The following SAMSN1 variants were observed in gnomAD, a reference collection of about 807,000 sequenced individuals.
The protein encoded by SAMSN1 is SAM domain-containing protein SAMSN-1.
A neutral mutation model predicts 42.0 loss-of-function variants in SAMSN1; 31 were observed. The ratio of observed to expected loss-of-function variants is 0.74; its 90% CI spans 0.55 to 1.00. The LOEUF is 1.00. Ranked by LOEUF, SAMSN1 falls within the 50% of genes least tolerant of loss-of-function variation. The pLI is 0.00. For synonymous variants in SAMSN1, 178 were observed against 151.9 expected, an observed-to-expected ratio of 1.17 and a Z score of -1.26; for missense variants, 464 against 439.4, an observed-to-expected ratio of 1.06 and a Z score of -0.50.
Position 14,512,443 on chromosome 21 carries a change from C to T in SAMSN1, c.409+1G>A, listed in dbSNP as rs1357059260. 1 of 1,613,514 alleles carries T rather than the reference C, an allele frequency of 6.2e-7. No individual in the cohort carries two copies. Among genetic ancestry groups the T allele is most frequent in the African/African-American group, 1.3e-5 (1 of 74,916 alleles). The stretch of plus-strand genomic sequence containing the variant: ...TCTTGTCCCTGATTCATTAGCCTTA[C>T]TTGATGAGCTCTGTCCACTGTAGAG... On this transcript the variant is annotated splice_donor_variant, in intron 4 of 7. Transcript: ENST00000400566. LOFTEE classifies it high-confidence loss of function.
chr21:14,572,510 A>T (rs1185439766), intron 2 of SAMSN1, among the ~76,000 whole-genome samples: 2 of 152,150 alleles, frequency 1.3e-5, no homozygotes, highest in Non-Finnish European at 2.9e-5. Flanking sequence ...CAGGACTAAG[A>T]GTTAGGAGGA....
At chr21:14,628,330 C>G (rs1186589837) in intron 2 of SAMSN1, among the ~76,000 whole-genome samples, 2 of 152,058 alleles carry the variant, frequency 1.3e-5, no homozygotes, top group Non-Finnish European at 2.9e-5. Context: ...GGACGTGCTA[C>G]TTACTCTGAT....
rs554490088 is a variant in SAMSN1, at chr21:14,615,960, A to G, written c.197+16T>C. The G allele has an allele frequency of 3.7e-4, 216 of 579,544 alleles. 3 individuals are homozygous for G. The South Asian group carries it at 4.9e-3, about 13-fold the overall frequency. 35.9% of individuals were successfully genotyped at this position (579,544 alleles called of 1,614,324 possible). ...AACTAAGGGAACATGAAGTTTACCA[A>G]GTAAATTTGACTTACTTTCTCTTTT... is the stretch of plus-strand genomic sequence containing the variant. On this transcript the variant is annotated intron_variant, in intron 3 of 15. Transcript: ENST00000647101.
At chr21:14,634,036 T>C (rs1983400041) in intron 2 of SAMSN1, among the ~76,000 whole-genome samples, 1 of 152,096 alleles carries the variant, frequency 6.6e-6, no homozygotes, top group Non-Finnish European at 1.5e-5. Context: ...TAAACTTGAT[T>C]TTTAAAATAT....
At chr21:14,518,695 C>A (rs537828377) in intron 2 of SAMSN1, among the ~76,000 whole-genome samples, 11 of 152,112 alleles carry the variant, frequency 7.2e-5, no homozygotes, top group African/African-American at 2.7e-4. Context: ...CATATCTTAC[C>A]CCAAATTGCC....
At chr21:14,640,013 CA>C (rs1983555969) in intron 2 of SAMSN1, among the ~76,000 whole-genome samples, 1 of 152,102 alleles carries the variant, frequency 6.6e-6, no homozygotes, top group African/African-American at 2.4e-5. Flanking sequence ...TTAAAACCCC[CA>C]AATAAACCTC....
At chr21:14,654,849 G>GGAAA (rs1002932454) in intron 1 of SAMSN1, among the ~76,000 whole-genome samples, 14 of 151,252 alleles carry the variant, frequency 9.3e-5, no homozygotes, top group African/African-American at 2.7e-4. Context: ...GAAGAAGCCA[G>GGAAA]GAAAGAAAGA....
In SAMSN1 at chr21:14,524,771, T is replaced by TA. The variant is rs1435214446; in HGVS notation, c.58-3551dup. Among the ~76,000 whole-genome samples, 7 of 152,276 alleles carry TA rather than the reference T, an allele frequency of 4.6e-5. No individual in the cohort carries two copies. The East Asian group carries it at 7.7e-4, about 17-fold the overall frequency. ...CACACAATGCAAATGTATGAAGCTG[T>TA]AAAAAATTAAATACATCTTTTTATA... On this transcript the variant is annotated intron_variant, in intron 1 of 7. Transcript: ENST00000400566.
At chr21:14,523,630 A>G (rs1282766237) in intron 1 of SAMSN1, among the ~76,000 whole-genome samples, 2 of 152,152 alleles carry the variant, frequency 1.3e-5, no homozygotes, top group African/African-American at 4.8e-5. Context: ...TTACTCTTTT[A>G]TATACTTGAA....
chr21:14,606,337 T>C (rs1982571648), intron 5 of SAMSN1, among the ~76,000 whole-genome samples: 1 of 152,190 alleles, frequency 6.6e-6, no homozygotes, highest in South Asian at 2.1e-4. Context: ...TCTCCAAATA[T>C]GTTTTGTTTC....
At chr21:14,486,369 A>T (rs1986438976) in intron 7 of SAMSN1, among the ~76,000 whole-genome samples, 1 of 152,130 alleles carries the variant, frequency 6.6e-6, no homozygotes. Flanking sequence ...ATTCATGTGA[A>T]CTTCCCGCAT....
upstream of SAMSN1, among the ~76,000 whole-genome samples, chr21:14,586,989 C>A (rs151211782): frequency 2.6e-5 from 4 of 152,166 alleles, no homozygotes; most frequent in East Asian, 1.9e-4. Context: ...AGAGATGAGC[C>A]CAGAGAATAA....
upstream of SAMSN1, among the ~76,000 whole-genome samples, chr21:14,587,153 G>A (rs1047840372): frequency 6.6e-6 from 1 of 152,100 alleles, no homozygotes; most frequent in African/African-American, 2.4e-5. Context: ...GCATTCAAAT[G>A]TGCTTCATGT....
intron 5 of SAMSN1, among the ~76,000 whole-genome samples, chr21:14,607,986 A>G (rs1982608211): frequency 6.6e-6 from 1 of 152,244 alleles, no homozygotes; most frequent in African/African-American, 2.4e-5. Context: ...GTGTGGATGC[A>G]TATAGCTGGC....
chr21:14,617,855 G>C (rs1178178867), intron 2 of SAMSN1, among the ~76,000 whole-genome samples: 3 of 152,222 alleles, frequency 2.0e-5, no homozygotes, highest in African/African-American at 4.8e-5. Flanking sequence ...GAGCAAGAGA[G>C]TTTGAATTTG....
At chr21:14,589,200 T>G (rs565883053) in intron 7 of SAMSN1, among the ~76,000 whole-genome samples, 32 of 152,204 alleles carry the variant, frequency 2.1e-4, no homozygotes, top group Middle Eastern at 3.4e-3. Flanking sequence ...TCATATTTTA[T>G]GAGCTAGGAT....
chr21:14,624,226 C>T (rs1390697399), intron 2 of SAMSN1, among the ~76,000 whole-genome samples: 1 of 152,064 alleles, frequency 6.6e-6, no homozygotes, highest in African/African-American at 2.4e-5. Context: ...ACTAGAGAAT[C>T]AAGAGCAAAC....
chr21:14,580,257 C>T (rs1226151704), intron 2 of SAMSN1, among the ~76,000 whole-genome samples: 12 of 152,052 alleles, frequency 7.9e-5, no homozygotes, highest in Admixed American at 2.6e-4. Flanking sequence ...TTTGGCAGTT[C>T]GGCATAGGAA....
intron 2 of SAMSN1, among the ~76,000 whole-genome samples, chr21:14,574,248 C>A (rs767165484): frequency 6.6e-6 from 1 of 152,136 alleles, no homozygotes; most frequent in African/African-American, 2.4e-5. Context: ...TCCAGTGAAA[C>A]GTATTCCAAC....
Sources: gnomAD v4.1 joint callset for allele counts (sites outside exome capture counted in the v4.1 genomes callset) on GRCh38, gnomAD v4.1.1 for gene constraint, MANE v1.5 for transcripts, NCBI Gene and HGNC (gene_info 2026-07-23, HGNC 2026-07-21) for gene names.